FSHR: variants seen among roughly 807,000 people sequenced by gnomAD.
The protein encoded by FSHR is follicle-stimulating hormone receptor.
FSHR carries 46 observed loss-of-function variants against 52.1 expected under a neutral mutation model. That is an observed-to-expected ratio of 0.88 (90% CI 0.70 to 1.13). The LOEUF is 1.13. Ranked by LOEUF, FSHR falls within the 50% of genes most tolerant of loss-of-function variation. FSHR has a pLI of 0.00. For synonymous variants in FSHR, 399 were observed against 309.6 expected, an observed-to-expected ratio of 1.29 and a Z score of -3.03; for missense variants, 964 against 834.6, an observed-to-expected ratio of 1.16 and a Z score of -1.91.
At position 48,963,868 on chromosome 2, in the gene FSHR, T is replaced by C. The variant is rs530490100; in HGVS notation, c.953A>G (p.Asn318Ser). ...RGQRSSLAED[N>S]ESSYSRGFDM... ...AAATCCTCTGCTGTAGCTGGACTCA[T>C]TGTCTTCTGCCAGAGAGGATCTCTG... Residue 318 changes from asparagine (N) to serine (S), a missense_variant, in exon 10 of 10, where the codon AAT becomes AGT. Asn to Ser is a conservative substitution (Grantham distance 46). Coordinates refer to ENST00000406846, the MANE Select transcript of FSHR (RefSeq NM_000145.4). 7 of 1,614,166 alleles carry C rather than the reference T, an allele frequency of 4.3e-6. No homozygotes were observed. The highest frequency in any genetic ancestry group is 2.7e-5 in the African/African-American group (2 of 75,058).
intron 1 of FSHR, among the ~76,000 whole-genome samples, chr2:49,101,576 G>A (rs1338276262): frequency 6.6e-6 from 1 of 152,178 alleles, no homozygotes; most frequent in African/African-American, 2.4e-5. Flanking sequence ...TACTCCAAGT[G>A]TGGGGGTATG....
At chr2:49,010,792 C>G (rs1336147428) in intron 4 of FSHR, among the ~76,000 whole-genome samples, 4 of 152,174 alleles carry the variant, frequency 2.6e-5, no homozygotes, top group Non-Finnish European at 4.4e-5. Context: ...TCCATTTCTT[C>G]TAGATTTTCT....
At chr2:49,015,226 T>C (rs1667440919) in intron 4 of FSHR, among the ~76,000 whole-genome samples, 1 of 152,170 alleles carries the variant, frequency 6.6e-6, no homozygotes, top group African/African-American at 2.4e-5. Context: ...GTTTTTCATA[T>C]ATAGTTTCTT....
intron 2 of FSHR, among the ~76,000 whole-genome samples, chr2:49,043,088 A>C (rs1407748294): frequency 6.6e-6 from 1 of 152,180 alleles, no homozygotes; most frequent in Non-Finnish European, 1.5e-5. Flanking sequence ...GGACATCAGG[A>C]AAACACTGTT....
At chr2:49,127,456 T>C (rs1672046749) in intron 1 of FSHR, among the ~76,000 whole-genome samples, 1 of 151,770 alleles carries the variant, frequency 6.6e-6, no homozygotes, top group South Asian at 2.1e-4. Flanking sequence ...GAAAAAGAAA[T>C]TGAACGTGTC....
At chr2:48,970,557 T>A (rs1302109662) in intron 8 of FSHR, among the ~76,000 whole-genome samples, 5 of 152,212 alleles carry the variant, frequency 3.3e-5, no homozygotes, top group Admixed American at 1.3e-4. Flanking sequence ...TAGTATATCT[T>A]TATACCTAGA....
chr2:49,127,886 CTTCTTCTTCTTCTTTTT>C (rs1672115791), intron 1 of FSHR, among the ~76,000 whole-genome samples: 1 of 34,016 alleles, frequency 2.9e-5, no homozygotes, highest in Admixed American at 4.2e-4. Context: ...TCTTCTTCTT[CTTCTTCTTCTTCTTTTT>C]TTTTTTTGAG....
At chr2:49,126,046 C>T (rs1358700369) in intron 1 of FSHR, among the ~76,000 whole-genome samples, 1 of 152,216 alleles carries the variant, frequency 6.6e-6, no homozygotes, top group Non-Finnish European at 1.5e-5. Flanking sequence ...AGAATTTCCA[C>T]TACCCATGTG....
chr2:49,143,257 A>T (rs1672753147), intron 1 of FSHR, among the ~76,000 whole-genome samples: 1 of 152,180 alleles, frequency 6.6e-6, no homozygotes, highest in Admixed American at 6.6e-5. Context: ...TATCACAGAC[A>T]CTGAAAGTCA....
At chr2:48,996,873 T>C (rs1676045699) in intron 4 of FSHR, among the ~76,000 whole-genome samples, 1 of 152,174 alleles carries the variant, frequency 6.6e-6, no homozygotes, top group Non-Finnish European at 1.5e-5. Flanking sequence ...CTGCAAATAA[T>C]GAGGATCAAC....
intron 1 of FSHR, among the ~76,000 whole-genome samples, chr2:49,109,651 G>A (rs989887397): frequency 6.6e-6 from 1 of 152,074 alleles, no homozygotes; most frequent in Non-Finnish European, 1.5e-5. Context: ...TAAAGAGGCA[G>A]CCACCTGCCA....
intron 2 of FSHR, among the ~76,000 whole-genome samples, chr2:49,056,484 A>ATATATG (rs1669070188): frequency 8.9e-6 from 1 of 111,738 alleles, no homozygotes; most frequent in African/African-American, 3.3e-5. Flanking sequence ...ATATATATAT[A>ATATATG]TATCCAACAC....
chr2:49,089,419 T>A (rs1194144815), intron 1 of FSHR, among the ~76,000 whole-genome samples: 1 of 152,152 alleles, frequency 6.6e-6, no homozygotes, highest in African/African-American at 2.4e-5. Context: ...ACAGAGCAAG[T>A]CCTGAATAAA....
At chr2:49,097,729 T>A (rs1670878831) in intron 1 of FSHR, among the ~76,000 whole-genome samples, 1 of 152,232 alleles carries the variant, frequency 6.6e-6, no homozygotes. Flanking sequence ...AAGTTTAACA[T>A]CGGTCCTGAA....
chr2:48,973,290 G>A lies in FSHR; in HGVS notation c.669-4407C>T, dbSNP rs536827144. Among the ~76,000 whole-genome samples, 6 of 150,422 alleles carry A rather than the reference G, an allele frequency of 4.0e-5. No individual in the cohort carries two copies. In the South Asian group the frequency reaches 8.4e-4, roughly 21 times the overall value. ...CACACATGCACATGCAAATGCACAT[G>A]CAAATGCACACACACACCCAATAAA... On this transcript the variant is annotated intron_variant, in intron 8 of 9. Transcript: ENST00000406846.
intron 1 of FSHR, among the ~76,000 whole-genome samples, chr2:49,075,055 G>T (rs1043671629): frequency 6.6e-6 from 1 of 152,082 alleles, no homozygotes; most frequent in African/African-American, 2.4e-5. Context: ...GGACGAGAAG[G>T]ATAAGGAGAG....
At chr2:49,088,871 T>G (rs1375432833) in intron 1 of FSHR, among the ~76,000 whole-genome samples, 1 of 152,222 alleles carries the variant, frequency 6.6e-6, no homozygotes, top group Admixed American at 6.5e-5. Context: ...TCTTTCATAA[T>G]GCACTTAAAA....
rs17038361 is a variant in FSHR at position 49,148,000 on chromosome 2, G to C, written c.152+6266C>G. On this transcript the variant is annotated intron_variant, in intron 1 of 9. Transcript: ENST00000406846. ...AGTTTTGATAATCAGAGAGAACTAC[G>C]ACAATCAAAGTACATCTGAGGAATA... Among the ~76,000 whole-genome samples, 495 of 151,824 alleles carry C rather than the reference G, an allele frequency of 3.3e-3. 2 individuals carry two copies. The highest frequency in any genetic ancestry group is 0.011 in the African/African-American group (471 of 41,426).
At chr2:49,049,255 G>T (rs993749604) in intron 2 of FSHR, among the ~76,000 whole-genome samples, 1 of 152,080 alleles carries the variant, frequency 6.6e-6, no homozygotes, top group South Asian at 2.1e-4. Context: ...TCACTGGAAG[G>T]TCTCACACAC....
Sources: allele counts gnomAD v4.1 joint callset (sites outside exome capture counted in the v4.1 genomes callset), GRCh38; gene constraint gnomAD v4.1.1; transcripts MANE v1.5; gene names NCBI Gene and HGNC (gene_info 2026-07-23, HGNC 2026-07-21).